Variants in MATN2 observed in about 807,000 individuals in gnomAD.
MATN2 encodes the protein matrilin 2.
MATN2 carries 69 observed loss-of-function variants against 103.2 expected under a neutral mutation model. The observed-to-expected ratio is 0.67, with a 90% CI of 0.55 to 0.82. MATN2 has a LOEUF of 0.82. Ranked by LOEUF, MATN2 falls within the 40% of genes least tolerant of loss-of-function variation. The pLI is 0.00. For synonymous variants in MATN2, 429 were observed against 450.2 expected, an observed-to-expected ratio of 0.95 and a Z score of 0.60; for missense variants, 1,023 against 1,211.5, an observed-to-expected ratio of 0.84 and a Z score of 2.31.
intron 2 of MATN2, among the ~76,000 whole-genome samples, chr8:97,925,106 G>T (rs182627471): frequency 1.4e-4 from 21 of 152,258 alleles, no homozygotes; most frequent in Admixed American, 1.0e-3. Context: ...CGTGGTGGAA[G>T]ATTTATAGAC....
chr8:97,903,125 A>G (rs1288402873), intron 2 of MATN2, among the ~76,000 whole-genome samples: 1 of 152,182 alleles, frequency 6.6e-6, no homozygotes, highest in Non-Finnish European at 1.5e-5. Context: ...CTTGCTGTCC[A>G]GCCATTTTCT....
At chr8:98,033,866 C>T (rs1814138707) in intron 18 of MATN2, 2 of 549,958 alleles carry the variant, frequency 3.6e-6, no homozygotes, top group Admixed American at 6.3e-5. Flanking sequence ...AGCAGTCAAG[C>T]ACTTAGTTGC....
intron 3 of MATN2, among the ~76,000 whole-genome samples, chr8:97,940,498 A>C (rs893914512): frequency 6.6e-6 from 1 of 152,174 alleles, no homozygotes; most frequent in Non-Finnish European, 1.5e-5. Flanking sequence ...GAAATGAAAC[A>C]GCTTTACTTC....
chr8:97,914,686 G>A (rs1364693618), intron 2 of MATN2, among the ~76,000 whole-genome samples: 3 of 152,050 alleles, frequency 2.0e-5, no homozygotes, highest in Non-Finnish European at 4.4e-5. Context: ...GGAGGCACAT[G>A]CCGTCCACCC....
At chr8:98,026,813 C>T (rs973258185) in intron 13 of MATN2, among the ~76,000 whole-genome samples, 17 of 152,186 alleles carry the variant, frequency 1.1e-4, no homozygotes, top group Admixed American at 7.9e-4. Flanking sequence ...AGATTGTATG[C>T]AGCTTGGTGT....
chr8:97,988,939 T>C (rs1208615164), intron 6 of MATN2, among the ~76,000 whole-genome samples: 2 of 152,172 alleles, frequency 1.3e-5, no homozygotes, highest in African/African-American at 4.8e-5. Context: ...CAAAAGTTAT[T>C]TAAACAGTTT....
At chr8:97,967,710 C>A (rs1363251848) in intron 5 of MATN2, among the ~76,000 whole-genome samples, 3 of 152,366 alleles carry the variant, frequency 2.0e-5, no homozygotes, top group African/African-American at 7.2e-5. Flanking sequence ...GTATAGCCCC[C>A]AAGGCTGCCC....
intron 2 of MATN2, among the ~76,000 whole-genome samples, chr8:97,907,927 G>A (rs925326378): frequency 2.0e-4 from 30 of 151,940 alleles, no homozygotes; most frequent in South Asian, 1.2e-3. Flanking sequence ...AACCTGAGGC[G>A]AGGAGTTTGA....
intron 4 of MATN2, among the ~76,000 whole-genome samples, chr8:97,955,291 T>A (rs914653639): frequency 6.6e-6 from 1 of 152,058 alleles, no homozygotes. Flanking sequence ...TAGGCTGGGA[T>A]GAATACAGGA....
intron 1 of MATN2, among the ~76,000 whole-genome samples, chr8:97,883,266 CAG>C (rs930914945): frequency 1.5e-5 from 2 of 131,868 alleles, no homozygotes; most frequent in African/African-American, 5.7e-5. Flanking sequence ...GCCCGGGTGA[CAG>C]AGTGAGACTC....
chr8:97,903,746 G>A (rs2130040753), intron 2 of MATN2, among the ~76,000 whole-genome samples: 1 of 152,286 alleles, frequency 6.6e-6, no homozygotes, highest in Middle Eastern at 3.4e-3. Context: ...ATTAGAGGAG[G>A]TAACCTGTAC....
chr8:97,994,881 T>C (rs1812530855), intron 7 of MATN2, among the ~76,000 whole-genome samples: 1 of 152,178 alleles, frequency 6.6e-6, no homozygotes, highest in South Asian at 2.1e-4. Context: ...CTCCCCCTTA[T>C]TCCCATAGCA....
Position 98,000,596 on chromosome 8 carries a change from C to CAAAAAAAAAAAAAAA in MATN2, c.1205-3051_1205-3050insAAAAAAAAAAAAAAA, listed in dbSNP as rs67682756. Among the ~76,000 whole-genome samples the CAAAAAAAAAAAAAAA allele has an allele frequency of 4.0e-3, 199 of 49,514 alleles. 3 individuals are homozygous for CAAAAAAAAAAAAAAA. The highest frequency in any genetic ancestry group is 9.1e-3 in the African/African-American group (145 of 15,984). 32.5% of individuals were successfully genotyped at this position (49,514 alleles called of 152,430 possible). A position where few individuals can be genotyped will look rare whatever the true frequency, so the allele number is the denominator to read the frequency against. The stretch of plus-strand genomic sequence containing the variant: ...TGGATGACAGAGCGAGACTCCGTCT[C>CAAAAAAAAAAAAAAA]AAAAAAAAAAAAAAGAAATATGGTT... On this transcript the variant is annotated intron_variant, in intron 7 of 18. Coordinates refer to ENST00000254898, the MANE Select transcript of MATN2 (RefSeq NM_002380.5).
rs755348044 is a variant in MATN2, at chr8:98,007,223, C to A, written c.1446C>A (p.Cys482Ter). 1.9e-6 allele frequency: 3 copies of A among 1,613,938 alleles called. No individual in the cohort carries two copies. Among genetic ancestry groups the A allele is most frequent in the Non-Finnish European group, 2.5e-6 (3 of 1,179,898 alleles). ...TCATCAACGAGGACCTCAAGACCTG[C>A]TCCCGTGAGTCCCTCCGCGCTCCTC... is the stretch of plus-strand genomic sequence containing the variant. ...GFLINEDLKT[C>*]SRVDYCLLSD... Residue 482 changes from cysteine to a stop codon, truncating the protein, a stop_gained, in exon 9 of 19, where the codon TGC (cysteine) becomes TGA (stop). Coordinates refer to ENST00000254898, the MANE Select transcript of MATN2 (RefSeq NM_002380.5). LOFTEE classifies it high-confidence loss of function. The surrounding 1 kb of genome is among the most constrained non-coding windows in gnomAD (Gnocchi z 4.2).
chr8:97,883,013 C>T (rs1172382227), intron 1 of MATN2, among the ~76,000 whole-genome samples: 1 of 152,034 alleles, frequency 6.6e-6, no homozygotes, highest in Non-Finnish European at 1.5e-5. Flanking sequence ...TAAGAGTTTA[C>T]ATAGTCCCGG....
At chr8:97,901,453 A>C (rs543207130) in intron 2 of MATN2, among the ~76,000 whole-genome samples, 6 of 152,136 alleles carry the variant, frequency 3.9e-5, no homozygotes, top group African/African-American at 7.2e-5. Flanking sequence ...GGGTTTCGCC[A>C]TGTTGGCCAG....
chr8:98,030,391 A>AG, intron 14 of MATN2, 71 bp from the exon 15 acceptor site: 1 of 1,251,152 alleles, frequency 8.0e-7, no homozygotes, highest in Non-Finnish European at 1.1e-6. Context: ...CTTTGGGTGC[A>AG]GTACACACAA....
chr8:97,908,476 C>G (rs1046207289), intron 2 of MATN2, among the ~76,000 whole-genome samples: 1 of 152,174 alleles, frequency 6.6e-6, no homozygotes. Context: ...CTTCTCATCT[C>G]TGGGCCTAAA....
At chr8:97,943,434 TCTCCTCCTCCTCCAC>T (rs1228618012) in intron 4 of MATN2, among the ~76,000 whole-genome samples, 26 of 99,072 alleles carry the variant, frequency 2.6e-4, no homozygotes, top group Non-Finnish European at 5.4e-4. Flanking sequence ...TCCTTCTCCT[TCTCCTCCTCCTCCAC>T]CTCCTCCTCC....
Sources: allele counts gnomAD v4.1 joint callset (sites outside exome capture counted in the v4.1 genomes callset), GRCh38; gene constraint gnomAD v4.1.1; non-coding constraint Gnocchi (gnomAD v3.1); transcripts MANE v1.5; gene names NCBI Gene and HGNC (gene_info 2026-07-23, HGNC 2026-07-21).